CNTN4: variants seen among roughly 807,000 people sequenced by gnomAD.
CNTN4 encodes the protein contactin 4.
A neutral mutation model predicts 122.5 loss-of-function variants in CNTN4; 77 were observed. The observed-to-expected ratio is 0.63, with a 90% CI of 0.52 to 0.76. CNTN4 has a LOEUF of 0.76. Ranked by LOEUF, CNTN4 falls within the 30% of genes least tolerant of loss-of-function variation. CNTN4 has a pLI of 0.00. For missense variants in CNTN4, 1,256 were observed against 1,259.1 expected (o/e 1.00, Z 0.04); for synonymous variants, 512 against 447.0 (o/e 1.15, Z -1.83).
chr3:3,039,357 A>C (rs936678084), intron 19 of CNTN4: 8 of 224,622 alleles, frequency 3.6e-5, no homozygotes, highest in Non-Finnish European at 6.3e-5. Context: ...CAATAGATTC[A>C]GTGCACCAGC....
intron 6 of CNTN4, among the ~76,000 whole-genome samples, chr3:2,801,489 C>T (rs2092345661): frequency 6.6e-6 from 1 of 152,112 alleles, no homozygotes; most frequent in African/African-American, 2.4e-5. Flanking sequence ...TCACTGTAGG[C>T]ACAGTATGTC....
chr3:2,261,001 G>A (rs187834870), intron 2 of CNTN4, among the ~76,000 whole-genome samples: 1 of 152,182 alleles, frequency 6.6e-6, no homozygotes, highest in Admixed American at 6.5e-5. Context: ...AAAGTGCTGT[G>A]ATTACAGGTG....
In CNTN4 at chr3:2,927,654, T is replaced by C. The variant is rs533319306; in HGVS notation, c.1358+1875T>C. 201 of 160,210 alleles carry C rather than the reference T, an allele frequency of 1.3e-3. 2 individuals carry two copies. Among genetic ancestry groups the C allele is most frequent in the African/African-American group, 4.3e-3 (181 of 41,832 alleles). 9.9% of individuals were successfully genotyped at this position (160,210 alleles called of 1,614,324 possible). ...GTATGCCAGTATCAAGAATTCTATA[T>C]GATATGTGAATTTAATTGATTGTTT... is the stretch of plus-strand genomic sequence containing the variant. On this transcript the variant is annotated intron_variant, in intron 13 of 24. Transcript: ENST00000418658.
chr3:2,639,037 C>T (rs1000375531), intron 4 of CNTN4, among the ~76,000 whole-genome samples: 1 of 152,198 alleles, frequency 6.6e-6, no homozygotes, highest in Non-Finnish European at 1.5e-5. Flanking sequence ...GGTCTCACTG[C>T]TTTTCCCCTT....
intron 6 of CNTN4, among the ~76,000 whole-genome samples, chr3:2,797,440 A>G (rs948899929): frequency 2.0e-5 from 3 of 152,176 alleles, no homozygotes; most frequent in Non-Finnish European, 4.4e-5. Flanking sequence ...TCTACTAAAA[A>G]TACAAAGATT....
chr3:2,857,742 A>T (rs928829307), intron 7 of CNTN4, among the ~76,000 whole-genome samples: 1 of 152,260 alleles, frequency 6.6e-6, no homozygotes, highest in East Asian at 1.9e-4. Flanking sequence ...GTGAACCACC[A>T]TACCCAGCTA....
chr3:3,024,398 A>C (rs1481500632), intron 14 of CNTN4, among the ~76,000 whole-genome samples: 3 of 151,276 alleles, frequency 2.0e-5, no homozygotes, highest in East Asian at 1.9e-4. Context: ...AAAAAAAAAA[A>C]AAAAAAAAAA....
rs192867814 is a variant in CNTN4 at position 2,990,423 on chromosome 3, G to T, written c.1486+1951G>T. Among the ~76,000 whole-genome samples, 320 of 152,228 alleles carry T rather than the reference G, an allele frequency of 2.1e-3. 1 individual carries two copies. The highest frequency in any genetic ancestry group is 7.2e-3 in the African/African-American group (299 of 41,564). The stretch of plus-strand genomic sequence containing the variant: ...AATATGAAAGATTCAAAACAGCTAA[G>T]CATAGAAACCATATATATGGTGTCT... On this transcript the variant is annotated intron_variant, in intron 14 of 24. Coordinates refer to ENST00000418658, the MANE Select transcript of CNTN4 (RefSeq NM_175607.3).
intron 2 of CNTN4, among the ~76,000 whole-genome samples, chr3:2,328,369 G>A (rs1173834487): frequency 1.5e-4 from 23 of 151,554 alleles, no homozygotes; most frequent in African/African-American, 4.6e-4. Context: ...TGGCGCCACC[G>A]CCCTCCAGCC....
At chr3:2,259,148 G>C (rs2040719741) in intron 2 of CNTN4, among the ~76,000 whole-genome samples, 1 of 151,636 alleles carries the variant, frequency 6.6e-6, no homozygotes, top group African/African-American at 2.4e-5. Flanking sequence ...CTTTTCCCCA[G>C]CATCTTTATG....
In CNTN4 at chr3:3,043,075, T is replaced by A; in HGVS notation, c.2610T>A (p.Ser870Arg). Reference sequence around the variant, plus strand: ...CAAAAATCACGAACTTAAAAGGCAGTGTGCTGTATCACTTAGCTGTCAAGG... The same window carrying A: ...CAAAAATCACGAACTTAAAAGGCAGAGTGCTGTATCACTTAGCTGTCAAGG... Reference protein sequence around the residue: ...TSTKITNLKGSVLYHLAVKAY... With the variant: ...TSTKITNLKGRVLYHLAVKAY... The change falls in exon 22 of 25, where the codon AGT (serine) becomes AGA (arginine). Residue 870 changes from serine (S) to arginine (R), a missense_variant. Ser to Arg is a moderately radical substitution (Grantham distance 110). Transcript: ENST00000418658. The A allele has an allele frequency of 6.2e-7, 1 of 1,614,196 alleles. No homozygotes were observed. Among genetic ancestry groups the A allele is most frequent in the Non-Finnish European group, 8.5e-7 (1 of 1,180,018 alleles).
chr3:2,345,652 T>C (rs2044372817), intron 3 of CNTN4, among the ~76,000 whole-genome samples: 1 of 152,164 alleles, frequency 6.6e-6, no homozygotes. Context: ...AATTTTGAGT[T>C]TGCTGTCTAA....
At chr3:2,981,929 C>A (rs7635500) in intron 13 of CNTN4, among the ~76,000 whole-genome samples, 1 of 151,630 alleles carries the variant, frequency 6.6e-6, no homozygotes, top group African/African-American at 2.4e-5. Flanking sequence ...GCCTAGCTAT[C>A]AGGGAGGCTG....
intron 6 of CNTN4, among the ~76,000 whole-genome samples, chr3:2,777,044 A>G (rs6442756): frequency 1 from 151,829 of 152,208 alleles, 75,728 homozygotes; most frequent in Middle Eastern, 1. Flanking sequence ...GCAGTGGCTC[A>G]ATCTTGGTTC....
intron 14 of CNTN4, among the ~76,000 whole-genome samples, chr3:3,000,064 TA>T (rs1695886827): frequency 6.6e-6 from 1 of 152,148 alleles, no homozygotes; most frequent in Non-Finnish European, 1.5e-5. Context: ...AGTGATAAAA[TA>T]TAAAGATTTG....
Position 3,053,804 on chromosome 3 carries a change from C to T in CNTN4, c.2812-3C>T, listed in dbSNP as rs780011013. 3.7e-6 allele frequency: 6 copies of T among 1,613,908 alleles called. No individual in the cohort carries two copies. The Admixed American group carries it at 1.0e-4, about 27-fold the overall frequency. ...GTGACACCTGTTCTTTCTGTATTGG[C>T]AGGTCTTGTACAGATGGAACAGACA... On this transcript the variant is annotated splice_region_variant and splice_polypyrimidine_tract_variant and intron_variant, in intron 23 of 24. Transcript: ENST00000418658.
intron 3 of CNTN4, among the ~76,000 whole-genome samples, chr3:2,348,159 T>G (rs2044475546): frequency 6.6e-6 from 1 of 152,226 alleles, no homozygotes; most frequent in Non-Finnish European, 1.5e-5. Context: ...TTATTGAGTC[T>G]TTAGGATATA....
chr3:2,813,397 C>G (rs2092657688), intron 6 of CNTN4, among the ~76,000 whole-genome samples: 1 of 152,002 alleles, frequency 6.6e-6, no homozygotes, highest in Non-Finnish European at 1.5e-5. Context: ...CTACCCAAGT[C>G]AGGAAAAAAG....
At chr3:2,835,019 T>C (rs1024008948) in intron 7 of CNTN4, among the ~76,000 whole-genome samples, 3 of 149,530 alleles carry the variant, frequency 2.0e-5, no homozygotes, top group Admixed American at 6.8e-5. Context: ...ATTCTCCTGC[T>C]TCAGCCTTCC....
Sources: gnomAD v4.1 joint callset for allele counts (sites outside exome capture counted in the v4.1 genomes callset) on GRCh38, gnomAD v4.1.1 for gene constraint, MANE v1.5 for transcripts, NCBI Gene and HGNC (gene_info 2026-07-23, HGNC 2026-07-21) for gene names.